EXTL3: variants seen among roughly 807,000 people sequenced by gnomAD.
The protein encoded by EXTL3 is exostosin like glycosyltransferase 3.
EXTL3 carries 27 observed loss-of-function variants against 69.3 expected under a neutral mutation model. The observed-to-expected ratio is 0.39, with a 90% CI of 0.29 to 0.54. The LOEUF (loss-of-function observed/expected upper bound fraction) is 0.54, where lower values mean the gene tolerates loss of function less well. EXTL3 is among the 20% of genes least tolerant of loss of function. The probability of loss-of-function intolerance (pLI) is 0.69; values close to 1 mark genes in which losing one functional copy is unlikely to be tolerated. For synonymous variants in EXTL3, 511 were observed against 499.4 expected, an observed-to-expected ratio of 1.02 and a Z score of -0.31; for missense variants, 1,003 against 1,231.8, an observed-to-expected ratio of 0.81 and a Z score of 2.78.
At position 28,717,685 on chromosome 8, in the gene EXTL3, C is replaced by T. The variant is rs140625555; in HGVS notation, c.1626C>T (p.Ala542=). 147 of 1,614,068 alleles carry T rather than the reference C, an allele frequency of 9.1e-5. No homozygotes were observed. Among genetic ancestry groups the T allele is most frequent in the Non-Finnish European group, 1.2e-4 (140 of 1,180,040 alleles). ...AMIRTRIQIP[A]APIREEAAAE... Reference sequence around the variant, plus strand: ...TTAGGACTCGCATCCAGATCCCAGCCGCTCCCATCCGGGAAGAGGCGGCAG... The same window carrying T: ...TTAGGACTCGCATCCAGATCCCAGCTGCTCCCATCCGGGAAGAGGCGGCAG... The change falls in exon 3 of 7, where the codon GCC becomes GCT. Residue 542 remains alanine, a synonymous_variant. Coordinates refer to ENST00000220562, the MANE Select transcript of EXTL3 (RefSeq NM_001440.4). This position sits in a 1 kb window ranked among gnomAD's most constrained non-coding sequence, Gnocchi z 8.3.
At chr8:28,619,521 T>A (rs1585216640), upstream of EXTL3, among the ~76,000 whole-genome samples, 1 of 152,102 alleles carries the variant, frequency 6.6e-6, no homozygotes. Flanking sequence ...ACTGACCCAC[T>A]GCCCATGGCT....
intron 1 of EXTL3, among the ~76,000 whole-genome samples, chr8:28,705,289 G>C (rs1417113511): frequency 2.0e-5 from 3 of 152,168 alleles, no homozygotes; most frequent in Non-Finnish European, 4.4e-5. Context: ...AAAGGACAAG[G>C]AGCTTATGAG....
Position 28,716,158 on chromosome 8 carries a change from C to G in EXTL3, c.99C>G (p.Ser33Arg). The G allele has an allele frequency of 6.2e-7, 1 of 1,614,158 alleles. No individual in the cohort carries two copies. Among genetic ancestry groups the G allele is most frequent in the Non-Finnish European group, 8.5e-7 (1 of 1,180,040 alleles). The change falls in exon 3 of 7, where the codon AGC (serine) becomes AGG (arginine). Residue 33 changes from serine to arginine, a missense_variant. By Grantham distance (110) the Ser-to-Arg change is moderately radical (BLOSUM62 -1). This residue lies in a region of EXTL3 where 742 missense variants were observed against 815.4 expected (regional missense o/e 0.91). Coordinates refer to ENST00000220562, the MANE Select transcript of EXTL3 (RefSeq NM_001440.4). This position sits in a 1 kb window ranked among gnomAD's most constrained non-coding sequence, Gnocchi z 7.1. ...ACCGCATCCGCCTCACGTGGCTCAGCTTCACGCTCTTTGTCATCCTGGTCT... is the reference window on the plus strand; with the variant it reads ...ACCGCATCCGCCTCACGTGGCTCAGGTTCACGCTCTTTGTCATCCTGGTCT... Reference protein sequence around the residue: ...WSNRIRLTWLSFTLFVILVFF... With the variant: ...WSNRIRLTWLRFTLFVILVFF...
chr8:28,674,544 A>G (rs776733762), intron 1 of EXTL3, among the ~76,000 whole-genome samples: 1 of 152,214 alleles, frequency 6.6e-6, no homozygotes, highest in Non-Finnish European at 1.5e-5. Flanking sequence ...GGAGACCTTT[A>G]TTTACTGTAC....
intron 1 of EXTL3, among the ~76,000 whole-genome samples, chr8:28,669,678 A>C (rs1262223051): frequency 6.6e-6 from 1 of 152,196 alleles, no homozygotes; most frequent in Non-Finnish European, 1.5e-5. Flanking sequence ...GGGACTGTAC[A>C]TGTTGTTTCC....
At chr8:28,660,343 G>A (rs1467311626) in intron 1 of EXTL3, among the ~76,000 whole-genome samples, 13 of 151,292 alleles carry the variant, frequency 8.6e-5, no homozygotes, top group African/African-American at 2.2e-4. Flanking sequence ...CAGCCCGGGC[G>A]ACAGAGCAGT....
At chr8:28,712,693 A>G (rs1057385617) in intron 1 of EXTL3, among the ~76,000 whole-genome samples, 3 of 152,188 alleles carry the variant, frequency 2.0e-5, no homozygotes, top group Non-Finnish European at 4.4e-5. Flanking sequence ...GCTATTGGAC[A>G]TGGATGATGC....
At chr8:28,713,999 C>T (rs369629986) in intron 2 of EXTL3, among the ~76,000 whole-genome samples, 4 of 151,106 alleles carry the variant, frequency 2.6e-5, no homozygotes, top group Non-Finnish European at 4.4e-5. Context: ...CTCCACCTCC[C>T]GGGTTCAGGC....
chr8:28,741,203 A>G (rs1341335854), intron 5 of EXTL3: 2 of 152,242 alleles, frequency 1.3e-5, no homozygotes, highest in East Asian at 3.9e-4. Flanking sequence ...CCTGGTCAAC[A>G]TAAATCATTT....
chr8:28,614,558 G>C (rs1196033351), intron 2 of EXTL3, among the ~76,000 whole-genome samples: 9 of 151,868 alleles, frequency 5.9e-5, no homozygotes, highest in African/African-American at 1.9e-4. Flanking sequence ...ACAGGTGTGA[G>C]GACCCCAGTT....
chr8:28,614,269 T>C (rs1334168178), intron 2 of EXTL3, among the ~76,000 whole-genome samples: 1 of 150,082 alleles, frequency 6.7e-6, no homozygotes, highest in Non-Finnish European at 1.5e-5. Flanking sequence ...GTGGGGTTTT[T>C]TGCTTTTTTT....
chr8:28,611,411 G>A (rs2130530467), intron 2 of EXTL3, among the ~76,000 whole-genome samples: 1 of 152,152 alleles, frequency 6.6e-6, no homozygotes, highest in Non-Finnish European at 1.5e-5. Flanking sequence ...CTGTGGTCGT[G>A]CCACTGCACT....
chr8:28,627,237 G>A (rs1020799104), intron 1 of EXTL3, among the ~76,000 whole-genome samples: 3 of 151,670 alleles, frequency 2.0e-5, no homozygotes, highest in Admixed American at 6.6e-5. Context: ...GAGGCTGGGC[G>A]CAGTGGCTCA....
At chr8:28,677,411 C>T (rs899011178) in intron 1 of EXTL3, among the ~76,000 whole-genome samples, 6 of 151,996 alleles carry the variant, frequency 3.9e-5, no homozygotes, top group African/African-American at 1.2e-4. Context: ...CTGTAACTTC[C>T]GAGTACAGAG....
chr8:28,719,754 C>CA (rs1232912735), intron 3 of EXTL3, among the ~76,000 whole-genome samples: 1 of 152,096 alleles, frequency 6.6e-6, no homozygotes, highest in Non-Finnish European at 1.5e-5. Context: ...AAGATAGATG[C>CA]TCCTCAAATA....
intron 1 of EXTL3, among the ~76,000 whole-genome samples, chr8:28,695,650 G>A (rs989311389): frequency 1.3e-5 from 2 of 152,220 alleles, no homozygotes; most frequent in Non-Finnish European, 2.9e-5. Flanking sequence ...AATAGATCAA[G>A]CACTCTGTCA....
intron 1 of EXTL3, among the ~76,000 whole-genome samples, chr8:28,639,398 T>C (rs1806708240): frequency 6.6e-6 from 1 of 152,230 alleles, no homozygotes; most frequent in East Asian, 1.9e-4. Context: ...CCTCAGGTTC[T>C]GCTGCTCTGC....
At chr8:28,648,819 G>T (rs1466369793) in intron 1 of EXTL3, among the ~76,000 whole-genome samples, 1 of 151,998 alleles carries the variant, frequency 6.6e-6, no homozygotes, top group South Asian at 2.1e-4. Context: ...GGGCTCAAGG[G>T]ATCCTCCCAC....
chr8:28,751,288 C>G lies in EXTL3; in HGVS notation c.*422C>G, dbSNP rs1250547380. 5.2e-6 allele frequency: 1 copy of G among 193,956 alleles called. No homozygotes were observed. Among genetic ancestry groups the G allele is most frequent in the African/African-American group, 2.3e-5 (1 of 42,914 alleles). The allele number at this position is 193,956 out of a possible 1,614,324, so 12.0% of individuals were successfully genotyped here. ...GTATATAAATACATGCACACACTTG[C>G]ATACATATATATTTTTGGCTGGGGG... On this transcript the variant is annotated 3_prime_UTR_variant, in exon 7 of 7. Coordinates refer to ENST00000220562, the MANE Select transcript of EXTL3 (RefSeq NM_001440.4).
Sources: gnomAD v4.1 joint callset for allele counts (sites outside exome capture counted in the v4.1 genomes callset) on GRCh38, gnomAD v4.1.1 for gene constraint, gnomAD v4.1.1 regional missense constraint, Gnocchi (gnomAD v3.1) non-coding constraint, MANE v1.5 for transcripts, NCBI Gene and HGNC (gene_info 2026-07-23, HGNC 2026-07-21) for gene names.